ZFR2: variants seen among roughly 807,000 people sequenced by gnomAD.
The protein encoded by ZFR2 is zinc finger RNA binding protein 2.
ZFR2 carries 104 observed loss-of-function variants against 105.7 expected under a neutral mutation model. The observed-to-expected ratio is 0.98, with a 90% CI of 0.84 to 1.16. The LOEUF (loss-of-function observed/expected upper bound fraction) is 1.16, where lower values mean the gene tolerates loss of function less well. Among genes scored for constraint, ZFR2 ranks in the 50% most tolerant of loss-of-function variants. The pLI is 0.00. For synonymous variants in ZFR2, 634 were observed against 597.7 expected (o/e 1.06, Z -0.89); for missense variants, 1,425 against 1,355.5 (o/e 1.05, Z -0.80).
At chr19:3,820,107 C>T in intron 11 of ZFR2, 75 bp downstream of exon 11, 1 of 1,434,050 alleles carries the variant, frequency 7.0e-7, no homozygotes, top group Non-Finnish European at 9.6e-7. Flanking sequence ...GAGGCCGGGT[C>T]CTCCCGAGGA....
chr19:3,819,170 G>A lies in ZFR2; in HGVS notation c.1806C>T (p.Pro602=), dbSNP rs1402278045. The A allele has an allele frequency of 3.8e-6, 6 of 1,599,170 alleles. No homozygotes were observed. The highest frequency in any genetic ancestry group is 3.4e-4 in the Middle Eastern group (2 of 5,824). Residue 602 remains proline, a synonymous_variant, in exon 12 of 19, where the codon CCC becomes CCT. Coordinates refer to ENST00000262961, the MANE Select transcript of ZFR2 (RefSeq NM_015174.2). ...GCACGGCCAGGAGCTCCTGCTCCGT[G>A]GGGTAGATGGTGGCGTGCTTGCACA... ...HVMCKHATIY[P]TEQELLAVQR... is the part of the protein sequence containing the mutation.
chr19:3,846,224 G>A (rs1035343755), intron 1 of ZFR2, among the ~76,000 whole-genome samples: 1 of 152,174 alleles, frequency 6.6e-6, no homozygotes, highest in African/African-American at 2.4e-5. Flanking sequence ...TGATCCACCC[G>A]CCTCAGCCTC....
At chr19:3,820,101 C>A (rs894417708) in intron 11 of ZFR2, 81 bp downstream of exon 11, 9 of 1,371,714 alleles carry the variant, frequency 6.6e-6, no homozygotes, top group Non-Finnish European at 8.1e-6. Context: ...TGGGGGGAGG[C>A]CGGGTCCTCC....
In ZFR2 at chr19:3,831,736, G is replaced by A; in HGVS notation, c.522C>T (p.Val174=). ...SGYTYPTATG[V]QPESSASIVT... ...CGATGGAAGCTGACGACTCGGGCTG[G>A]ACGCCTGTCGCCGTGGGGTAGGTGT... The change falls in exon 4 of 19, where the codon GTC becomes GTT. Residue 174 remains valine (V), a synonymous_variant. Transcript: ENST00000262961. 6.2e-7 allele frequency: 1 copy of A among 1,605,244 alleles called. No homozygotes were observed. The highest frequency in any genetic ancestry group is 8.5e-7 in the Non-Finnish European group (1 of 1,176,078).
intron 1 of ZFR2, among the ~76,000 whole-genome samples, chr19:3,837,513 G>A (rs531978403): frequency 1.5e-3 from 224 of 148,346 alleles, no homozygotes; most frequent in African/African-American, 5.0e-3. Context: ...CACCGTGACC[G>A]TGACACTCGA....
chr19:3,858,971 T>C lies in ZFR2; in HGVS notation c.53+9994A>G, dbSNP rs532276186. On this transcript the variant is annotated intron_variant, in intron 1 of 18. Transcript: ENST00000262961. The surrounding 1 kb of genome is among the most constrained non-coding windows in gnomAD (Gnocchi z 4.3). ...TGTCACAGGGCCCTGTGATGGTTAA[T>C]ACTGAGTGTCAACTTGACTGGATTG... Among the ~76,000 whole-genome samples, 1 of 152,266 alleles carries C rather than the reference T, an allele frequency of 6.6e-6. No individual in the cohort carries two copies. Among genetic ancestry groups the C allele is most frequent in the South Asian group, 2.1e-4 (1 of 4,822 alleles).
In ZFR2 at chr19:3,822,101, G is replaced by C; in HGVS notation, c.1471C>G (p.Arg491Gly). 6.2e-7 allele frequency: 1 copy of C among 1,606,996 alleles called. No homozygotes were observed. The change falls in exon 9 of 19, where the codon CGG becomes GGG. Residue 491 changes from arginine to glycine, a missense_variant. Transcript: ENST00000262961. ...CGCACCCGGTACTGCAGCCGGTGCCGCCGCCCCCTCACGTGCAGGTCCTTC... is the reference window on the plus strand; with the variant it reads ...CGCACCCGGTACTGCAGCCGGTGCCCCCGCCCCCTCACGTGCAGGTCCTTC... ...NAKDLHVRGR[R>G]HRLQYRKKVN... is the part of the protein sequence containing the mutation.
intron 5 of ZFR2, among the ~76,000 whole-genome samples, chr19:3,829,177 G>T (rs925467902): frequency 5.3e-5 from 8 of 152,230 alleles, no homozygotes; most frequent in African/African-American, 1.7e-4. Flanking sequence ...GGCCAGGCTG[G>T]TGTTGAACTC....
intron 14 of ZFR2, 99 bp from the exon 15 acceptor site, chr19:3,811,465 T>C (rs1599220101): frequency 8.7e-7 from 1 of 1,145,640 alleles, no homozygotes; most frequent in East Asian, 2.6e-5. Flanking sequence ...CGACGCTTTT[T>C]TTTTTTTGAG....
At chr19:3,844,273 C>A (rs2038166608) in intron 1 of ZFR2, among the ~76,000 whole-genome samples, 1 of 151,988 alleles carries the variant, frequency 6.6e-6, no homozygotes, top group Non-Finnish European at 1.5e-5. Flanking sequence ...CCCTCTCCAC[C>A]CATCTATCTT....
At chr19:3,830,845 G>A (rs544763932) in intron 5 of ZFR2, among the ~76,000 whole-genome samples, 1 of 152,302 alleles carries the variant, frequency 6.6e-6, no homozygotes, top group African/African-American at 2.4e-5. Context: ...GTTTGGTAAA[G>A]ATTCTTTCAC....
intron 9 of ZFR2, 124 bp from the exon 10 acceptor site, chr19:3,821,603 C>CT: frequency 1.7e-6 from 1 of 585,998 alleles, no homozygotes; most frequent in South Asian, 5.7e-5. Flanking sequence ...TCTCCCAAAG[C>CT]CTTTTTTTTT....
chr19:3,856,798 T>C (rs1394321384), intron 1 of ZFR2, among the ~76,000 whole-genome samples: 1 of 152,106 alleles, frequency 6.6e-6, no homozygotes, highest in Non-Finnish European at 1.5e-5. Flanking sequence ...TGGCGCCATC[T>C]CGGCTCACTG....
At chr19:3,830,457 T>C (rs754459455) in intron 5 of ZFR2, among the ~76,000 whole-genome samples, 1 of 152,070 alleles carries the variant, frequency 6.6e-6, no homozygotes, top group African/African-American at 2.4e-5. Context: ...CAAACTTCTA[T>C]GCGAGCACTC....
At chr19:3,830,098 G>A (rs538133815) in intron 5 of ZFR2, among the ~76,000 whole-genome samples, 12 of 150,416 alleles carry the variant, frequency 8.0e-5, no homozygotes, top group African/African-American at 1.2e-4. Flanking sequence ...TTAGGAGTTC[G>A]AGACCAGCCT....
At chr19:3,822,809 G>A (rs2037909719) in intron 8 of ZFR2, among the ~76,000 whole-genome samples, 1 of 152,186 alleles carries the variant, frequency 6.6e-6, no homozygotes, top group Non-Finnish European at 1.5e-5. Flanking sequence ...ACTGCCGCTG[G>A]CCTGGGAGCT....
In ZFR2 at chr19:3,810,781, C is replaced by T. The variant is rs552322198; in HGVS notation, c.2402G>A (p.Arg801His). ...VIRVLRDLCR[R>H]VPTWGALPAW... is the part of the protein sequence containing the mutation. Reference sequence around the variant, plus strand: ...TGGCAGGGCCCCCCAGGTGGGCACACGCCGGCAGAGGTCCCTCAGGACCCT... The same window carrying T: ...TGGCAGGGCCCCCCAGGTGGGCACATGCCGGCAGAGGTCCCTCAGGACCCT... The change falls in exon 16 of 19, where the codon CGT (arginine) becomes CAT (histidine). Residue 801 changes from arginine to histidine, a missense_variant. Physicochemically the swap from Arg to His is conservative, Grantham distance 29 (BLOSUM62 0). Transcript: ENST00000262961. 1.0e-5 allele frequency: 16 copies of T among 1,550,092 alleles called. No individual in the cohort carries two copies. Among genetic ancestry groups the T allele is most frequent in the East Asian group, 4.9e-5 (2 of 40,892 alleles).
chr19:3,821,300 C>T (rs1468324112), intron 10 of ZFR2, 40 bp downstream of exon 10: 4 of 1,527,946 alleles, frequency 2.6e-6, no homozygotes, highest in Admixed American at 2.0e-5. Flanking sequence ...GACCTGCCCT[C>T]CCTCACCAGG....
chr19:3,829,820 CTG>C (rs1182249584), intron 5 of ZFR2, among the ~76,000 whole-genome samples: 1 of 152,210 alleles, frequency 6.6e-6, no homozygotes, highest in Non-Finnish European at 1.5e-5. Flanking sequence ...AGCCAGTAGG[CTG>C]TCTTTGTGCA....
Sources: allele counts gnomAD v4.1 joint callset (sites outside exome capture counted in the v4.1 genomes callset), GRCh38; gene constraint gnomAD v4.1.1; non-coding constraint Gnocchi (gnomAD v3.1); transcripts MANE v1.5; gene names NCBI Gene and HGNC (gene_info 2026-07-23, HGNC 2026-07-21).